Variants in LRRTM3 observed in about 807,000 individuals in gnomAD.
The protein encoded by LRRTM3 is leucine rich repeat transmembrane neuronal 3, also known as leucine-rich repeat transmembrane neuronal protein 3.
LRRTM3 carries 24 observed loss-of-function variants against 44.7 expected under a neutral mutation model. The ratio of observed to expected loss-of-function variants is 0.54; its 90% CI spans 0.39 to 0.76. The LOEUF (loss-of-function observed/expected upper bound fraction) is 0.76, where lower values mean the gene tolerates loss of function less well. LRRTM3 is among the 30% of genes least tolerant of loss of function. LRRTM3 has a pLI of 0.00. For synonymous variants in LRRTM3, 277 were observed against 278.7 expected, an observed-to-expected ratio of 0.99 and a Z score of 0.06; for missense variants, 587 against 702.2, an observed-to-expected ratio of 0.84 and a Z score of 1.85.
rs74418885 is a variant in LRRTM3, at chr10:67,077,697, T to C, written c.1537-19890T>C. The stretch of plus-strand genomic sequence containing the variant: ...ATTTGTAATCTTATATTTGTATAAC[T>C]ATTGTTTAATGTGTATCCCCTTATG... On this transcript the variant is annotated intron_variant, in intron 2 of 2. Coordinates refer to ENST00000361320, the MANE Select transcript of LRRTM3 (RefSeq NM_178011.5). Among the ~76,000 whole-genome samples, 819 of 152,306 alleles carry C rather than the reference T, an allele frequency of 5.4e-3. 10 individuals are homozygous for C. Among genetic ancestry groups the C allele is most frequent in the African/African-American group, 0.017 (711 of 41,570 alleles).
chr10:66,969,493 T>G (rs899498665), intron 2 of LRRTM3, among the ~76,000 whole-genome samples: 11 of 152,172 alleles, frequency 7.2e-5, no homozygotes, highest in Non-Finnish European at 1.5e-4. Flanking sequence ...ACTTTAATTG[T>G]ATCTTGGATT....
chr10:67,055,490 G>A (rs941855133), intron 2 of LRRTM3, among the ~76,000 whole-genome samples: 4 of 152,082 alleles, frequency 2.6e-5, no homozygotes, highest in Admixed American at 1.3e-4. Flanking sequence ...AACAGACTAA[G>A]ATAATGAAAA....
chr10:67,052,679 G>A (rs1426368308), intron 2 of LRRTM3: 2 of 152,068 alleles, frequency 1.3e-5, no homozygotes, highest in Non-Finnish European at 2.9e-5. Flanking sequence ...AGGAGGAGGG[G>A]GAAGATGCTA....
Position 67,079,855 on chromosome 10 carries a change from C to T in LRRTM3, c.1537-17732C>T, listed in dbSNP as rs868739506. ...ACAGCGAGACTCCATCTCAAAAAAACAAAACACACACACACACACACACAC... is the reference window on the plus strand; with the variant it reads ...ACAGCGAGACTCCATCTCAAAAAAATAAAACACACACACACACACACACAC... On this transcript the variant is annotated intron_variant, in intron 2 of 2. Transcript: ENST00000361320. Among the ~76,000 whole-genome samples, 271 of 127,300 alleles carry T rather than the reference C, an allele frequency of 2.1e-3. 3 individuals carry two copies. Among genetic ancestry groups the T allele is most frequent in the African/African-American group, 7.1e-3 (234 of 32,952 alleles). 83.5% of individuals were successfully genotyped at this position (127,300 alleles called of 152,430 possible).
At chr10:67,039,401 G>C (rs1236846442) in intron 2 of LRRTM3, among the ~76,000 whole-genome samples, 1 of 152,118 alleles carries the variant, frequency 6.6e-6, no homozygotes, top group African/African-American at 2.4e-5. Flanking sequence ...CCTAGTATTA[G>C]AAAAGCCTGC....
intron 2 of LRRTM3, among the ~76,000 whole-genome samples, chr10:67,096,552 G>C (rs1192398627): frequency 6.6e-6 from 1 of 151,830 alleles, no homozygotes; most frequent in Admixed American, 6.6e-5. Flanking sequence ...TAGTAATTAG[G>C]ATATTAAACC....
intron 2 of LRRTM3, among the ~76,000 whole-genome samples, chr10:66,961,708 C>T (rs754137617): frequency 9.9e-5 from 15 of 152,094 alleles, no homozygotes; most frequent in Non-Finnish European, 1.6e-4. Context: ...ATTATCTATA[C>T]AATATTTGCA....
chr10:67,096,429 C>A (rs927051038), intron 2 of LRRTM3, among the ~76,000 whole-genome samples: 1 of 151,754 alleles, frequency 6.6e-6, no homozygotes, highest in African/African-American at 2.4e-5. Flanking sequence ...CTAATCTCAG[C>A]TAAGATCAGA....
chr10:67,065,479 A>G (rs997106386), intron 2 of LRRTM3, among the ~76,000 whole-genome samples: 1 of 152,206 alleles, frequency 6.6e-6, no homozygotes, highest in Non-Finnish European at 1.5e-5. Context: ...GAAAAGTATT[A>G]TGACAGAAAC....
chr10:67,065,568 T>G (rs1002733026), intron 2 of LRRTM3, among the ~76,000 whole-genome samples: 3 of 152,086 alleles, frequency 2.0e-5, no homozygotes, highest in Non-Finnish European at 4.4e-5. Context: ...TCCTTTACAG[T>G]TAGAAATGGC....
At chr10:67,004,255 A>G (rs796707798) in intron 2 of LRRTM3, among the ~76,000 whole-genome samples, 2 of 152,286 alleles carry the variant, frequency 1.3e-5, no homozygotes, top group African/African-American at 4.8e-5. Flanking sequence ...TTTTGCTTTA[A>G]AAGTCTGACT....
chr10:67,040,420 C>T (rs913496610), intron 2 of LRRTM3, among the ~76,000 whole-genome samples: 7 of 152,014 alleles, frequency 4.6e-5, no homozygotes, highest in African/African-American at 1.7e-4. Flanking sequence ...AAAGGTCAAA[C>T]AATTTGGATG....
intron 2 of LRRTM3, among the ~76,000 whole-genome samples, chr10:67,058,639 C>A (rs1855578332): frequency 6.6e-6 from 1 of 151,794 alleles, no homozygotes; most frequent in Non-Finnish European, 1.5e-5. Context: ...GCCCAGAGAG[C>A]ACTTTCTACA....
rs73315291 is a variant in LRRTM3 at position 66,982,795 on chromosome 10, G to T, written c.1536+54343G>T. Among the ~76,000 whole-genome samples, 1,131 of 152,268 alleles carry T rather than the reference G, an allele frequency of 7.4e-3. 18 individuals are homozygous for T. Among genetic ancestry groups the T allele is most frequent in the African/African-American group, 0.026 (1,078 of 41,556 alleles). On this transcript the variant is annotated intron_variant, in intron 2 of 2. Coordinates refer to ENST00000361320, the MANE Select transcript of LRRTM3 (RefSeq NM_178011.5). ...AAATGTCAAAATACAGGTATGAATG[G>T]AGTCTTGCCTTTCCAGTAAGATATT...
chr10:67,013,162 C>T (rs943872252), intron 2 of LRRTM3: 8 of 152,028 alleles, frequency 5.3e-5, no homozygotes, highest in Non-Finnish European at 1.2e-4. Context: ...AGACTAAAGT[C>T]AAAAATGCTA....
At chr10:66,993,729 T>C (rs570634525) in intron 2 of LRRTM3, among the ~76,000 whole-genome samples, 1 of 151,902 alleles carries the variant, frequency 6.6e-6, no homozygotes, top group Non-Finnish European at 1.5e-5. Context: ...CCTCCATCTT[T>C]CATTGAGCCT....
At position 67,052,313 on chromosome 10, in the gene LRRTM3, ACTCTCTCTCT is replaced by A. The variant is rs3841706; in HGVS notation, c.1537-45242_1537-45233del. 2.5e-3 allele frequency among the ~76,000 whole-genome samples: 300 copies of A among 121,088 alleles called. 1 individual carries two copies. The highest frequency in any genetic ancestry group is 0.016 in the East Asian group (68 of 4,280). 79.4% of individuals were successfully genotyped at this position (121,088 alleles called of 152,430 possible). ...AGAAGAATCTTCACACCCACTCATC[ACTCTCTCTCT>A]CTCTCTCTCTCTCTCTCTCTCTCTC... is the stretch of plus-strand genomic sequence containing the variant. On this transcript the variant is annotated intron_variant, in intron 2 of 2. Transcript: ENST00000361320.
intron 2 of LRRTM3, among the ~76,000 whole-genome samples, chr10:66,939,624 T>G (rs1261497454): frequency 6.6e-6 from 1 of 152,204 alleles, no homozygotes; most frequent in Admixed American, 6.5e-5. Context: ...AATTACAATT[T>G]GTAAGGTAGG....
chr10:66,949,503 A>G (rs1037299111), intron 2 of LRRTM3, among the ~76,000 whole-genome samples: 2 of 152,026 alleles, frequency 1.3e-5, no homozygotes, highest in Non-Finnish European at 2.9e-5. Context: ...GGTTGCAGTG[A>G]GCCAAGATCG....
Sources: allele counts gnomAD v4.1 joint callset (sites outside exome capture counted in the v4.1 genomes callset), GRCh38; gene constraint gnomAD v4.1.1; transcripts MANE v1.5; gene names NCBI Gene and HGNC (gene_info 2026-07-23, HGNC 2026-07-21).